COL4A3: variants seen among roughly 807,000 people sequenced by gnomAD.
The protein encoded by COL4A3 is collagen alpha-3(IV) chain.
COL4A3 carries 135 observed loss-of-function variants against 217.4 expected under a neutral mutation model. The ratio of observed to expected loss-of-function variants is 0.62; its 90% CI spans 0.54 to 0.72. The LOEUF is 0.72. Ranked by LOEUF, COL4A3 falls within the 30% of genes least tolerant of loss-of-function variation. The probability of loss-of-function intolerance (pLI) is 0.00; values close to 1 mark genes in which losing one functional copy is unlikely to be tolerated. For missense variants in COL4A3, 1,868 were observed against 2,119.9 expected (o/e 0.88, Z 2.33); for synonymous variants, 690 against 736.3 (o/e 0.94, Z 1.02).
intron 18 of COL4A3, among the ~76,000 whole-genome samples, chr2:227,258,226 C>T (rs2070317334): frequency 6.6e-6 from 1 of 152,190 alleles, no homozygotes; most frequent in South Asian, 2.1e-4. Context: ...AACAGTGGTT[C>T]TCACATTCAG....
intron 25 of COL4A3, among the ~76,000 whole-genome samples, chr2:227,271,345 G>A (rs915582089): frequency 6.6e-6 from 1 of 151,942 alleles, no homozygotes; most frequent in African/African-American, 2.4e-5. Flanking sequence ...ATATTTAGGG[G>A]TATGGTAGTC....
rs773516860 is a variant in COL4A3, at chr2:227,244,843, T to C, written c.280-108T>C. Reference sequence around the variant, plus strand: ...AATCGTTTCGAGCTATTCCCAGTTATAGTGGAGGAAAAAGATTATCGCAAT... The same window carrying C: ...AATCGTTTCGAGCTATTCCCAGTTACAGTGGAGGAAAAAGATTATCGCAAT... On this transcript the variant is annotated intron_variant, in intron 4 of 51. Transcript: ENST00000396578. 1.3e-5 allele frequency: 15 copies of C among 1,141,778 alleles called. 1 individual carries two copies. Among genetic ancestry groups the C allele is most frequent in the South Asian group, 9.9e-5 (8 of 81,168 alleles). The allele number at this position is 1,141,778 out of a possible 1,614,324, so 70.7% of individuals were successfully genotyped here.
chr2:227,292,536 A>G (rs1330352511), intron 37 of COL4A3, among the ~76,000 whole-genome samples: 1 of 152,248 alleles, frequency 6.6e-6, no homozygotes, highest in Non-Finnish European at 1.5e-5. Context: ...GTAACAGAGT[A>G]GTATATTTTA....
At chr2:227,268,608 T>C (rs1453936111) in intron 23 of COL4A3, 1 of 152,156 alleles carries the variant, frequency 6.6e-6, no homozygotes. Flanking sequence ...GGATCCTTTG[T>C]CCCCTCAGAT....
intron 1 of COL4A3, among the ~76,000 whole-genome samples, chr2:227,234,222 AG>A: frequency 6.6e-6 from 1 of 152,304 alleles, no homozygotes; most frequent in South Asian, 2.1e-4. Flanking sequence ...GAGATGGAGT[AG>A]GTGGGACAAC....
chr2:227,234,796 T>C (rs896989800), intron 1 of COL4A3, among the ~76,000 whole-genome samples: 1 of 152,204 alleles, frequency 6.6e-6, no homozygotes, highest in Non-Finnish European at 1.5e-5. Context: ...ATATGGTGAA[T>C]GTGACTCTTA....
At chr2:227,300,744 C>A (rs1438573874) in intron 43 of COL4A3, among the ~76,000 whole-genome samples, 1 of 152,094 alleles carries the variant, frequency 6.6e-6, no homozygotes, top group Non-Finnish European at 1.5e-5. Context: ...AGGAAGAATG[C>A]AGGGGGCTGT....
chr2:227,192,625 A>G (rs541729170), intron 1 of COL4A3, among the ~76,000 whole-genome samples: 26 of 152,278 alleles, frequency 1.7e-4, no homozygotes, highest in Admixed American at 1.3e-3. Flanking sequence ...CAATCTCTGC[A>G]AGTGTCCCTT....
At chr2:227,301,981 A>G (rs1479978201) in intron 43 of COL4A3, 1 of 152,240 alleles carries the variant, frequency 6.6e-6, no homozygotes, top group Non-Finnish European at 1.5e-5. Context: ...TGACCTTCAA[A>G]GCACATTATT....
chr2:227,258,208 C>CCTCAAAAAACAGTGGTT (rs1329653075), intron 18 of COL4A3, among the ~76,000 whole-genome samples: 2 of 152,186 alleles, frequency 1.3e-5, no homozygotes, highest in Non-Finnish European at 2.9e-5. Context: ...TCATCTCCTA[C>CCTCAAAAAACAGTGGTT]CTCAAAAAAC....
chr2:227,290,728 GT>G lies in COL4A3; in HGVS notation c.3071-15del. 1.2e-6 allele frequency: 2 copies of G among 1,611,582 alleles called. No homozygotes were observed. Among genetic ancestry groups the G allele is most frequent in the South Asian group, 1.1e-5 (1 of 90,950 alleles). ...CTCATGTTTATCTATTTTACTCTAT[GT>G]TTTCCCCCTAATTTCAGGTTCTAAA... On this transcript the variant is annotated intron_variant, in intron 36 of 51. Coordinates refer to ENST00000396578, the MANE Select transcript of COL4A3 (RefSeq NM_000091.5).
At chr2:227,273,553 G>A (rs1237199314) in intron 26 of COL4A3, among the ~76,000 whole-genome samples, 2 of 152,100 alleles carry the variant, frequency 1.3e-5, no homozygotes, top group Admixed American at 6.6e-5. Context: ...ACAGGCACGT[G>A]TCACCACGAC....
intron 1 of COL4A3, among the ~76,000 whole-genome samples, chr2:227,221,947 C>T (rs2067809137): frequency 6.6e-6 from 1 of 151,496 alleles, no homozygotes; most frequent in Admixed American, 6.6e-5. Flanking sequence ...CATCCTATCA[C>T]TGAGCACAGT....
chr2:227,276,565 G>A (rs1393799605), intron 27 of COL4A3, 88 bp downstream of exon 27: 13 of 994,320 alleles, frequency 1.3e-5, no homozygotes, highest in African/African-American at 4.7e-5. Context: ...CCATTATAAG[G>A]AAAAAAATGT....
At chr2:227,211,349 A>G (rs2067314698) in intron 1 of COL4A3, among the ~76,000 whole-genome samples, 1 of 152,138 alleles carries the variant, frequency 6.6e-6, no homozygotes, top group Admixed American at 6.5e-5. Flanking sequence ...ATCCCATCCT[A>G]TGAATGTAAC....
intron 36 of COL4A3, 137 bp from the exon 37 acceptor site, chr2:227,290,610 T>C (rs987353924): frequency 1.4e-5 from 10 of 693,154 alleles, no homozygotes; most frequent in South Asian, 8.8e-5. Context: ...ATAATAATCA[T>C]CTATTGTAAC....
intron 36 of COL4A3, among the ~76,000 whole-genome samples, chr2:227,290,433 G>T (rs192867461): frequency 6.6e-4 from 101 of 152,238 alleles, no homozygotes; most frequent in African/African-American, 2.3e-3. Context: ...CCGAGAGGTG[G>T]AGGTTGCAGT....
Position 227,307,625 on chromosome 2 carries a change from A to G in COL4A3, c.4253-85A>G. On this transcript the variant is annotated intron_variant, in intron 47 of 51. Coordinates refer to ENST00000396578, the MANE Select transcript of COL4A3 (RefSeq NM_000091.5). ...CTTTCAATTTATGGGCTCAACATATATAAAATATATTTAAATTAGTACTTT... is the reference window on the plus strand; with the variant it reads ...CTTTCAATTTATGGGCTCAACATATGTAAAATATATTTAAATTAGTACTTT... 7.4e-6 allele frequency: 8 copies of G among 1,081,364 alleles called. No homozygotes were observed. The Admixed American group carries it at 1.4e-4, about 19-fold the overall frequency. 67.0% of individuals were successfully genotyped at this position (1,081,364 alleles called of 1,614,324 possible).
rs1011148674 is a variant in COL4A3 at position 227,255,881 on chromosome 2, T to C, written c.889-145T>C. On this transcript the variant is annotated intron_variant, in intron 15 of 51. Coordinates refer to ENST00000396578, the MANE Select transcript of COL4A3 (RefSeq NM_000091.5). ...TGTGTATTCTGTGGTTAATAGTTTT[T>C]CCTTCTAACACCTGGGTGAAGATCT... 3 of 772,912 alleles carry C rather than the reference T, an allele frequency of 3.9e-6. No individual in the cohort carries two copies. In the Admixed American group the frequency reaches 6.6e-5, roughly 17 times the overall value. 47.9% of individuals were successfully genotyped at this position (772,912 alleles called of 1,614,324 possible).
Sources: allele counts gnomAD v4.1 joint callset (sites outside exome capture counted in the v4.1 genomes callset), GRCh38; gene constraint gnomAD v4.1.1; transcripts MANE v1.5; gene names NCBI Gene and HGNC (gene_info 2026-07-23, HGNC 2026-07-21).